Variants in FBN1 observed in about 807,000 individuals in gnomAD.
FBN1 encodes the protein fibrillin 1.
In FBN1, 29 loss-of-function variants were observed where a neutral mutation model predicts 365.1. The ratio of observed to expected loss-of-function variants is 0.08; its 90% CI spans 0.06 to 0.11. The LOEUF (loss-of-function observed/expected upper bound fraction) is 0.11, where lower values mean the gene tolerates loss of function less well. Among genes scored for constraint, FBN1 ranks in the 10% least tolerant of loss-of-function variants. FBN1 has a pLI of 1.00. For missense variants in FBN1, 2,476 were observed against 3,703.2 expected (o/e 0.67, Z 8.60); for synonymous variants, 1,210 against 1,270.5 (o/e 0.95, Z 1.01).
At chr15:48,574,675 T>A (rs1368371648) in intron 6 of FBN1, among the ~76,000 whole-genome samples, 1 of 151,758 alleles carries the variant, frequency 6.6e-6, no homozygotes, top group African/African-American at 2.4e-5. Context: ...CCAGCCAATA[T>A]AAATGCAATA....
intron 6 of FBN1, among the ~76,000 whole-genome samples, chr15:48,578,728 C>T (rs549450944): frequency 1.0e-4 from 15 of 150,254 alleles, no homozygotes; most frequent in African/African-American, 3.4e-4. Flanking sequence ...AAATTGGAAA[C>T]CATCATTCTC....
intron 29 of FBN1, among the ~76,000 whole-genome samples, chr15:48,485,925 G>A (rs1019145306): frequency 1.3e-5 from 2 of 152,082 alleles, no homozygotes; most frequent in African/African-American, 2.4e-5. Context: ...CCAGGCATAC[G>A]TCAAATAAAG....
intron 51 of FBN1, 115 bp downstream of exon 51, chr15:48,437,653 T>C (rs2043083673): frequency 8.7e-7 from 1 of 1,148,104 alleles, no homozygotes; most frequent in Non-Finnish European, 1.3e-6. Flanking sequence ...ACATTCTAAT[T>C]AGACTTACAA....
intron 43 of FBN1, among the ~76,000 whole-genome samples, chr15:48,458,739 T>C (rs562627741): frequency 1.3e-5 from 2 of 152,224 alleles, no homozygotes; most frequent in Non-Finnish European, 2.9e-5. Flanking sequence ...TTAGTGAAGT[T>C]TATATTTTAA....
At chr15:48,586,810 T>C (rs957310560) in intron 6 of FBN1, among the ~76,000 whole-genome samples, 4 of 152,220 alleles carry the variant, frequency 2.6e-5, no homozygotes, top group Admixed American at 2.6e-4. Context: ...CTATCTAGAA[T>C]ATGAAAATGT....
Position 48,446,297 on chromosome 15 carries a change from G to A in FBN1, c.5788+409C>T, listed in dbSNP as rs567517312. ...ACAATAAAATATTTTGAGAGAGAGA[G>A]AGACAGTGCACAAGAAAGTACAGTC... On this transcript the variant is annotated intron_variant, in intron 47 of 65. Coordinates refer to ENST00000316623, the MANE Select transcript of FBN1 (RefSeq NM_000138.5). 2.6e-5 allele frequency among the ~76,000 whole-genome samples: 4 copies of A among 152,192 alleles called. No individual in the cohort carries two copies. In the East Asian group the frequency reaches 7.7e-4, roughly 29 times the overall value.
intron 6 of FBN1, among the ~76,000 whole-genome samples, chr15:48,544,911 A>G (rs1283898436): frequency 6.6e-6 from 1 of 152,310 alleles, no homozygotes; most frequent in East Asian, 1.9e-4. Flanking sequence ...TGACATATTT[A>G]CCATCAAGAT....
chr15:48,604,789 TC>T (rs904535511), intron 4 of FBN1, among the ~76,000 whole-genome samples: 2 of 152,116 alleles, frequency 1.3e-5, no homozygotes, highest in Non-Finnish European at 2.9e-5. Context: ...AGCACCACCT[TC>T]CCTTCCTCTG....
chr15:48,503,682 AC>A, intron 17 of FBN1, 104 bp downstream of exon 17: 1 of 1,488,074 alleles, frequency 6.7e-7, no homozygotes, highest in East Asian at 2.3e-5. Flanking sequence ...CACATGGCGT[AC>A]CTGGAGAGCA....
At chr15:48,491,454 C>T (rs762646181) in intron 24 of FBN1, among the ~76,000 whole-genome samples, 4 of 151,916 alleles carry the variant, frequency 2.6e-5, no homozygotes, top group Non-Finnish European at 5.9e-5. Flanking sequence ...GGGTTCATGC[C>T]ATTCTCCTGC....
chr15:48,456,809 C>T (rs778406054), intron 43 of FBN1, 47 bp from the exon 44 acceptor site: 2 of 1,586,068 alleles, frequency 1.3e-6, no homozygotes, highest in Non-Finnish European at 1.7e-6. Context: ...GCACATGATC[C>T]CTGTGCAGGG....
chr15:48,458,288 A>G (rs1406721663), intron 43 of FBN1, among the ~76,000 whole-genome samples: 3 of 152,246 alleles, frequency 2.0e-5, no homozygotes, highest in Non-Finnish European at 2.9e-5. Flanking sequence ...TCTGTTTTAA[A>G]GGAGAAATTT....
chr15:48,532,532 C>A (rs1279019122), intron 8 of FBN1, among the ~76,000 whole-genome samples: 1 of 118,118 alleles, frequency 8.5e-6, no homozygotes, highest in South Asian at 2.6e-4. Context: ...GTATATGGCC[C>A]GAAAATCTAT....
intron 2 of FBN1, among the ~76,000 whole-genome samples, chr15:48,637,283 G>A (rs188917558): frequency 2.2e-3 from 329 of 152,216 alleles, no homozygotes; most frequent in South Asian, 3.3e-3. Context: ...TCTACCCAGT[G>A]GCAAAGATCT....
intron 9 of FBN1, among the ~76,000 whole-genome samples, chr15:48,521,825 A>G (rs2043858302): frequency 6.6e-6 from 1 of 152,252 alleles, no homozygotes; most frequent in Non-Finnish European, 1.5e-5. Context: ...TGAAAAGCAA[A>G]TAATATCGTC....
At chr15:48,559,536 A>C (rs1487043532) in intron 6 of FBN1, among the ~76,000 whole-genome samples, 2 of 152,194 alleles carry the variant, frequency 1.3e-5, no homozygotes, top group Admixed American at 6.5e-5. Flanking sequence ...CAGTTTTTAC[A>C]ATCCTCAAGA....
chr15:48,518,780 A>G (rs1171565672), intron 10 of FBN1, among the ~76,000 whole-genome samples: 4 of 152,180 alleles, frequency 2.6e-5, no homozygotes, highest in Admixed American at 1.3e-4. Flanking sequence ...CCAATCTAAA[A>G]TCCTTCCTGC....
intron 47 of FBN1, 151 bp from the exon 48 acceptor site, chr15:48,445,655 T>A: frequency 2.6e-6 from 2 of 769,426 alleles, no homozygotes; most frequent in Non-Finnish European, 4.4e-6. Context: ...GAAGATCTAG[T>A]TTGCAACAAC....
chr15:48,601,803 G>A (rs1342256392), intron 4 of FBN1, among the ~76,000 whole-genome samples: 1 of 152,154 alleles, frequency 6.6e-6, no homozygotes, highest in Non-Finnish European at 1.5e-5. Flanking sequence ...AAGTTAGGTT[G>A]AGTTGAAAGT....
Sources: allele counts gnomAD v4.1 joint callset (sites outside exome capture counted in the v4.1 genomes callset), GRCh38; gene constraint gnomAD v4.1.1; transcripts MANE v1.5; gene names NCBI Gene and HGNC (gene_info 2026-07-23, HGNC 2026-07-21).